The following KCNJ3 variants were observed in gnomAD, a reference collection of about 807,000 sequenced individuals.
KCNJ3 encodes potassium inwardly rectifying channel subfamily J member 3.
Under a neutral mutation model 39.2 loss-of-function variants are expected in KCNJ3, and 4 were observed. The ratio of observed to expected loss-of-function variants is 0.10; its 90% CI spans 0.05 to 0.23. KCNJ3 has a LOEUF of 0.23. KCNJ3 is among the 10% of genes least tolerant of loss of function. The pLI is 1.00. For missense variants in KCNJ3, 276 were observed against 634.9 expected (o/e 0.43, Z 6.08); for synonymous variants, 230 against 237.4 (o/e 0.97, Z 0.29).
At chr2:154,736,966 T>A (rs971407263) in intron 2 of KCNJ3, among the ~76,000 whole-genome samples, 1 of 152,192 alleles carries the variant, frequency 6.6e-6, no homozygotes, top group Admixed American at 6.5e-5. Context: ...GTCATCATAG[T>A]GGCTAGAGTT....
intron 2 of KCNJ3, among the ~76,000 whole-genome samples, chr2:154,834,763 G>A (rs1687421813): frequency 2.0e-5 from 3 of 146,920 alleles, no homozygotes; most frequent in African/African-American, 7.4e-5. Flanking sequence ...AATAGAATAA[G>A]TCATTTAAGT....
At chr2:154,813,560 G>A (rs1687035952) in intron 2 of KCNJ3, among the ~76,000 whole-genome samples, 1 of 152,036 alleles carries the variant, frequency 6.6e-6, no homozygotes, top group African/African-American at 2.4e-5. Context: ...GGTTTAGATG[G>A]ATATGGTAAT....
intron 2 of KCNJ3, among the ~76,000 whole-genome samples, chr2:154,752,759 A>G (rs1685868636): frequency 6.6e-6 from 1 of 152,188 alleles, no homozygotes; most frequent in African/African-American, 2.4e-5. Flanking sequence ...CCAGTATGAC[A>G]AAGTGTTAGT....
At chr2:154,743,749 A>G (rs1262676890) in intron 2 of KCNJ3, among the ~76,000 whole-genome samples, 1 of 151,602 alleles carries the variant, frequency 6.6e-6, no homozygotes, top group African/African-American at 2.4e-5. Flanking sequence ...TTTTTTTTAC[A>G]AAGAAAATCA....
At chr2:154,776,641 T>G (rs367922899) in intron 2 of KCNJ3, among the ~76,000 whole-genome samples, 1 of 152,118 alleles carries the variant, frequency 6.6e-6, no homozygotes, top group Non-Finnish European at 1.5e-5. Flanking sequence ...TATAATTCAG[T>G]AAGGACAGAT....
chr2:154,770,085 A>T (rs1255451252), intron 2 of KCNJ3, among the ~76,000 whole-genome samples: 2 of 152,208 alleles, frequency 1.3e-5, no homozygotes, highest in Non-Finnish European at 2.9e-5. Flanking sequence ...TGAGTTGCAC[A>T]CCTTAACTGA....
intron 2 of KCNJ3, among the ~76,000 whole-genome samples, chr2:154,845,800 TTCTC>T (rs1687654330): frequency 6.6e-6 from 1 of 151,930 alleles, no homozygotes; most frequent in African/African-American, 2.4e-5. Flanking sequence ...GTGAAACCCT[TTCTC>T]TACTGAAAAT....
At chr2:154,799,812 T>G (rs1686780638) in intron 2 of KCNJ3, among the ~76,000 whole-genome samples, 1 of 152,210 alleles carries the variant, frequency 6.6e-6, no homozygotes, top group Admixed American at 6.5e-5. Flanking sequence ...ATCAGTGTTC[T>G]CTGTTCTTGG....
At chr2:154,724,936 T>TATATATATATATATATAC (rs1450435626) in intron 2 of KCNJ3, among the ~76,000 whole-genome samples, 32 of 147,098 alleles carry the variant, frequency 2.2e-4, no homozygotes, top group African/African-American at 4.0e-4. Flanking sequence ...TATATATATA[T>TATATATATATATATATAC]ACCTTTGATG....
chr2:154,807,991 C>T (rs1686941992), intron 2 of KCNJ3, among the ~76,000 whole-genome samples: 1 of 152,050 alleles, frequency 6.6e-6, no homozygotes, highest in Admixed American at 6.6e-5. Flanking sequence ...CATTCTAGTA[C>T]CCATAAACTC....
At chr2:154,713,554 C>T (rs1037725103) in intron 2 of KCNJ3, among the ~76,000 whole-genome samples, 11 of 152,172 alleles carry the variant, frequency 7.2e-5, no homozygotes, top group Admixed American at 2.0e-4. Context: ...GCCCAGGACT[C>T]AAATGTTATT....
chr2:154,844,727 G>A (rs181538499), intron 2 of KCNJ3, among the ~76,000 whole-genome samples: 12 of 152,314 alleles, frequency 7.9e-5, no homozygotes, highest in African/African-American at 2.6e-4. Context: ...AGTGAGCAAG[G>A]CTCCGTGGGT....
At chr2:154,809,026 G>GCATGACACA (rs1686963846) in intron 2 of KCNJ3, among the ~76,000 whole-genome samples, 2 of 152,136 alleles carry the variant, frequency 1.3e-5, no homozygotes, top group African/African-American at 4.8e-5. Flanking sequence ...AAAGCTAAAA[G>GCATGACACA]CATGACACAG....
At chr2:154,709,334 T>G in intron 1 of KCNJ3, 1 of 471,080 alleles carries the variant, frequency 2.1e-6, no homozygotes, top group South Asian at 2.3e-5. Context: ...TAACAACCAT[T>G]GTTGGACCAG....
rs77431654 is a variant in KCNJ3 at position 154,704,701 on chromosome 2, T to C, written c.703-4902T>C. 4.4e-3 allele frequency among the ~76,000 whole-genome samples: 665 copies of C among 152,270 alleles called. 4 individuals are homozygous for C. The highest frequency in any genetic ancestry group is 6.8e-3 in the Middle Eastern group (2 of 294). On this transcript the variant is annotated intron_variant, in intron 1 of 2. Coordinates refer to ENST00000295101, the MANE Select transcript of KCNJ3 (RefSeq NM_002239.4). ...ATTCCCCTCCACCTGACTACTTAAA[T>C]TTTGGTCTGGGCACCAAAGCCATTG...
chr2:154,762,668 T>G (rs529827024), intron 2 of KCNJ3, among the ~76,000 whole-genome samples: 224 of 147,414 alleles, frequency 1.5e-3, no homozygotes, highest in African/African-American at 5.2e-3. Flanking sequence ...ATCTTACAAC[T>G]AATTCTCAAA....
At chr2:154,776,236 A>T (rs1287117451) in intron 2 of KCNJ3, among the ~76,000 whole-genome samples, 1 of 152,068 alleles carries the variant, frequency 6.6e-6, no homozygotes, top group Non-Finnish European at 1.5e-5. Flanking sequence ...TCCTGCCCTC[A>T]GGTGATCTGC....
intron 2 of KCNJ3, among the ~76,000 whole-genome samples, chr2:154,837,290 G>T (rs1037269886): frequency 6.6e-6 from 1 of 151,986 alleles, no homozygotes; most frequent in Non-Finnish European, 1.5e-5. Context: ...TTTAAACAAT[G>T]ATTATATATA....
rs531529129 is a variant in KCNJ3 at position 154,835,337 on chromosome 2, TTTC to T, written c.920-19387_920-19385del. 3.8e-3 allele frequency among the ~76,000 whole-genome samples: 535 copies of T among 139,656 alleles called. 4 individuals are homozygous for T. Among genetic ancestry groups the T allele is most frequent in the African/African-American group, 0.012 (464 of 39,026 alleles). The allele number at this position is 139,656 out of a possible 152,430, so 91.6% of individuals were successfully genotyped here. Reference sequence around the variant, plus strand: ...AAATAACTTTACGACAATAAATTATTTTCTTTTTTTTGTTTACTATTCAAAAAG... The same window carrying T: ...AAATAACTTTACGACAATAAATTATTTTTTTTTTGTTTACTATTCAAAAAG... On this transcript the variant is annotated intron_variant, in intron 2 of 2. Transcript: ENST00000295101.
Sources: gnomAD v4.1 joint callset for allele counts (sites outside exome capture counted in the v4.1 genomes callset) on GRCh38, gnomAD v4.1.1 for gene constraint, MANE v1.5 for transcripts, NCBI Gene and HGNC (gene_info 2026-07-23, HGNC 2026-07-21) for gene names.